HPCAL1: variants seen among roughly 807,000 people sequenced by gnomAD.
HPCAL1 encodes hippocalcin like 1.
Under a neutral mutation model 17.1 loss-of-function variants are expected in HPCAL1, and 8 were observed. The ratio of observed to expected loss-of-function variants is 0.47; its 90% confidence interval spans 0.27 to 0.84. The LOEUF is 0.84. Among genes scored for constraint, HPCAL1 ranks in the 40% least tolerant of loss-of-function variants. HPCAL1 has a pLI of 0.13. For synonymous variants in HPCAL1, 112 were observed against 111.4 expected (o/e 1.01, Z -0.03); for missense variants, 165 against 271.1 (o/e 0.61, Z 2.75).
rs1288313161 is a variant in HPCAL1, at chr2:10,359,903, C to A, written c.-110-36932C>A. The stretch of plus-strand genomic sequence containing the variant: ...TCCTGCCTCCTTCCACAGTGCCCGC[C>A]GGGTCCACAGCGCCCGCCGGGTCCA... On this transcript the variant is annotated intron_variant, in intron 1 of 4. Coordinates refer to ENST00000307845, the MANE Select transcript of HPCAL1 (RefSeq NM_002149.4). This position sits in a 1 kb window ranked among gnomAD's most constrained non-coding sequence, Gnocchi z 4.1. 6.8e-6 allele frequency among the ~76,000 whole-genome samples: 1 copy of A among 147,818 alleles called. No homozygotes were observed.
At chr2:10,345,671 G>T (rs1665390312) in intron 1 of HPCAL1, among the ~76,000 whole-genome samples, 1 of 151,932 alleles carries the variant, frequency 6.6e-6, no homozygotes, top group African/African-American at 2.4e-5. Flanking sequence ...TGCCTGGGCT[G>T]GTCTCGAACT....
intron 1 of HPCAL1, among the ~76,000 whole-genome samples, chr2:10,315,431 G>A (rs796640749): frequency 9.9e-5 from 15 of 152,228 alleles, no homozygotes; most frequent in African/African-American, 3.6e-4. Context: ...GGTCTTTCTT[G>A]ATTTTTCATG....
intron 3 of HPCAL1, 73 bp downstream of exon 3, chr2:10,420,208 G>GGTTTTT: frequency 1.4e-6 from 1 of 734,144 alleles, no homozygotes; most frequent in Non-Finnish European, 1.8e-6. Flanking sequence ...CCAGCCCAGG[G>GGTTTTT]CTTTTTTTTT....
At chr2:10,403,502 G>C (rs1261123350) in intron 2 of HPCAL1, among the ~76,000 whole-genome samples, 1 of 144,280 alleles carries the variant, frequency 6.9e-6, no homozygotes, top group Non-Finnish European at 1.5e-5. Context: ...GTGTGTGTGT[G>C]TGACGGAGTC....
intron 1 of HPCAL1, among the ~76,000 whole-genome samples, chr2:10,390,661 A>G (rs1471284687): frequency 6.6e-6 from 1 of 152,148 alleles, no homozygotes; most frequent in Non-Finnish European, 1.5e-5. Context: ...CCCAGTGAGC[A>G]TGTGAAGCCT....
Position 10,338,493 on chromosome 2 carries a change from G to T in HPCAL1, c.-111+35316G>T, listed in dbSNP as rs139422804. 2.2e-3 allele frequency among the ~76,000 whole-genome samples: 329 copies of T among 152,262 alleles called. 2 individuals are homozygous for T. Among genetic ancestry groups the T allele is most frequent in the African/African-American group, 7.5e-3 (312 of 41,548 alleles). On this transcript the variant is annotated intron_variant, in intron 1 of 4. Transcript: ENST00000307845. ...GGATCATTCCTACTTCGTAGGGTTG[G>T]CATGAGACTCCGTGAGATGAAGTTG... is the stretch of plus-strand genomic sequence containing the variant.
intron 1 of HPCAL1, among the ~76,000 whole-genome samples, chr2:10,385,547 G>T (rs890935606): frequency 3.9e-5 from 6 of 152,206 alleles, no homozygotes; most frequent in Non-Finnish European, 8.8e-5. Context: ...GTGCTGGGCT[G>T]ATTTCACTTG....
At chr2:10,305,672 T>G (rs1432088825) in intron 1 of HPCAL1, among the ~76,000 whole-genome samples, 1 of 152,242 alleles carries the variant, frequency 6.6e-6, no homozygotes, top group African/African-American at 2.4e-5. Context: ...AACAGAGATT[T>G]GCCCAAACTC....
At chr2:10,313,453 C>CCT (rs1161912300) in intron 1 of HPCAL1, among the ~76,000 whole-genome samples, 1 of 152,246 alleles carries the variant, frequency 6.6e-6, no homozygotes, top group African/African-American at 2.4e-5. Context: ...ATCTTAACAC[C>CCT]TTGCCTGAGG....
At chr2:10,364,625 C>CT (rs1666733854) in intron 1 of HPCAL1, among the ~76,000 whole-genome samples, 1 of 151,678 alleles carries the variant, frequency 6.6e-6, no homozygotes, top group Non-Finnish European at 1.5e-5. Flanking sequence ...CACTCTGTCA[C>CT]CCAGGCTGGA....
intron 1 of HPCAL1, among the ~76,000 whole-genome samples, chr2:10,311,048 G>A (rs889551740): frequency 6.6e-6 from 1 of 152,174 alleles, no homozygotes. Flanking sequence ...CGTATTTACT[G>A]TGTGTGGCTG....
chr2:10,378,035 G>T (rs866053209), intron 1 of HPCAL1, among the ~76,000 whole-genome samples: 18 of 152,102 alleles, frequency 1.2e-4, no homozygotes, highest in Non-Finnish European at 2.9e-5. Flanking sequence ...CTCACGACAG[G>T]CTGGACATTG....
intron 1 of HPCAL1, among the ~76,000 whole-genome samples, chr2:10,341,662 G>A (rs1249969221): frequency 1.3e-5 from 2 of 152,080 alleles, no homozygotes; most frequent in Non-Finnish European, 2.9e-5. Flanking sequence ...CTAAAGTGGG[G>A]AGGGATTCCC....
At chr2:10,418,187 C>T (rs1670792978) in intron 2 of HPCAL1, among the ~76,000 whole-genome samples, 1 of 152,048 alleles carries the variant, frequency 6.6e-6, no homozygotes, top group Non-Finnish European at 1.5e-5. Context: ...GAGGCCAAGG[C>T]AGGCGAATCA....
At chr2:10,314,980 G>A (rs950794958) in intron 1 of HPCAL1, among the ~76,000 whole-genome samples, 3 of 152,130 alleles carry the variant, frequency 2.0e-5, no homozygotes, top group Admixed American at 1.3e-4. Flanking sequence ...CCCAAATGTG[G>A]GGCTAGGAAG....
intron 1 of HPCAL1, among the ~76,000 whole-genome samples, chr2:10,320,263 G>T (rs541469269): frequency 6.6e-6 from 1 of 152,198 alleles, no homozygotes; most frequent in South Asian, 2.1e-4. Context: ...GATATGGTTT[G>T]GATTTGTGTC....
intron 1 of HPCAL1, among the ~76,000 whole-genome samples, chr2:10,386,174 C>T (rs1006689884): frequency 3.9e-5 from 6 of 152,224 alleles, no homozygotes; most frequent in African/African-American, 7.2e-5. Context: ...TCGGTTTAGA[C>T]ATGTGCCTTC....
chr2:10,329,396 C>T (rs1424924453), intron 1 of HPCAL1, among the ~76,000 whole-genome samples: 3 of 152,206 alleles, frequency 2.0e-5, no homozygotes, highest in Non-Finnish European at 2.9e-5. Flanking sequence ...AGGAACCTGT[C>T]CCAGCTGCAG....
intron 1 of HPCAL1, among the ~76,000 whole-genome samples, chr2:10,322,024 TA>T (rs1273471319): frequency 2.0e-5 from 3 of 152,322 alleles, no homozygotes; most frequent in East Asian, 3.9e-4. Context: ...TTATTTATTT[TA>T]TTTTTTATTT....
Sources: allele counts gnomAD v4.1 joint callset (sites outside exome capture counted in the v4.1 genomes callset), GRCh38; gene constraint gnomAD v4.1.1; non-coding constraint Gnocchi (gnomAD v3.1); transcripts MANE v1.5; gene names NCBI Gene and HGNC (gene_info 2026-07-23, HGNC 2026-07-21).